The following FHIT variants were observed in gnomAD, a reference collection of about 807,000 sequenced individuals.
The protein encoded by FHIT is bis(5'-adenosyl)-triphosphatase.
Under a neutral mutation model 17.9 loss-of-function variants are expected in FHIT, and 19 were observed. The observed-to-expected ratio is 1.06, with a 90% CI of 0.74 to 1.56. FHIT has a LOEUF of 1.56. Ranked by LOEUF, FHIT falls within the 40% of genes most tolerant of loss-of-function variation. FHIT has a pLI of 0.00. For missense variants in FHIT, 248 were observed against 189.2 expected, an observed-to-expected ratio of 1.31 and a Z score of -1.82; for synonymous variants, 81 against 69.7, an observed-to-expected ratio of 1.16 and a Z score of -0.81.
intron 5 of FHIT, among the ~76,000 whole-genome samples, chr3:60,488,187 A>G (rs1364947731): frequency 2.0e-5 from 3 of 152,194 alleles, no homozygotes; most frequent in Non-Finnish European, 4.4e-5. Context: ...GGGACCTGCT[A>G]AACAATCACT....
intron 1 of FHIT, among the ~76,000 whole-genome samples, chr3:61,203,505 T>G (rs2039100516): frequency 6.6e-6 from 1 of 152,042 alleles, no homozygotes; most frequent in South Asian, 2.1e-4. Flanking sequence ...TAAGATATGC[T>G]TGAATAAGCG....
At chr3:59,792,872 TG>T (rs139940738) in intron 8 of FHIT, among the ~76,000 whole-genome samples, 22,115 of 134,748 alleles carry the variant, frequency 0.16, 2,118 homozygotes, top group African/African-American at 0.28. Flanking sequence ...CCTTATTTTT[TG>T]GGGGGGGGGG....
At chr3:60,803,775 G>T (rs886617804) in intron 4 of FHIT, among the ~76,000 whole-genome samples, 4 of 152,312 alleles carry the variant, frequency 2.6e-5, no homozygotes, top group Non-Finnish European at 1.5e-5. Flanking sequence ...CAAAGAGGGA[G>T]AGGGGAGCAA....
At chr3:60,664,896 A>T (rs1374347675) in intron 4 of FHIT, among the ~76,000 whole-genome samples, 1 of 151,612 alleles carries the variant, frequency 6.6e-6, no homozygotes, top group Non-Finnish European at 1.5e-5. Flanking sequence ...AATTGTATTA[A>T]TTTTTTAGAA....
chr3:60,606,421 A>C (rs1317186289), intron 4 of FHIT, among the ~76,000 whole-genome samples: 2 of 151,824 alleles, frequency 1.3e-5, no homozygotes, highest in African/African-American at 4.8e-5. Context: ...TTTGTGTTTT[A>C]GTAGAGATGG....
chr3:60,856,603 C>T (rs1703396094), intron 3 of FHIT: 1 of 152,142 alleles, frequency 6.6e-6, no homozygotes, highest in Admixed American at 6.6e-5. Context: ...GAAATATAAT[C>T]TTCAAAGTGA....
intron 3 of FHIT, among the ~76,000 whole-genome samples, chr3:60,983,824 T>G (rs1343630763): frequency 2.0e-5 from 3 of 152,190 alleles, no homozygotes; most frequent in Non-Finnish European, 4.4e-5. Context: ...ACTTTGTACT[T>G]TGTCTGGCTG....
intron 3 of FHIT, among the ~76,000 whole-genome samples, chr3:60,915,563 G>A (rs1194960864): frequency 1.3e-5 from 2 of 152,146 alleles, no homozygotes; most frequent in Non-Finnish European, 2.9e-5. Context: ...GGACAGGAAG[G>A]ATAGAAGCAT....
At chr3:59,783,120 G>C (rs1186727438) in intron 8 of FHIT, among the ~76,000 whole-genome samples, 1 of 152,078 alleles carries the variant, frequency 6.6e-6, no homozygotes, top group Admixed American at 6.6e-5. Flanking sequence ...AGAGGAATTT[G>C]TTTCCATCCT....
intron 4 of FHIT, among the ~76,000 whole-genome samples, chr3:60,667,344 C>G (rs2040405011): frequency 6.6e-6 from 1 of 151,986 alleles, no homozygotes; most frequent in South Asian, 2.1e-4. Context: ...GTTTTGTCCT[C>G]AAATTTAGTA....
At position 60,716,204 on chromosome 3, in the gene FHIT, C is replaced by T. The variant is rs1012094016; in HGVS notation, c.-18+105715G>A. The stretch of plus-strand genomic sequence containing the variant: ...GTTTGCAGTTTAGCTGAGATCACAC[C>T]GCTACACTCCAGCCTGGGCAACAGA... On this transcript the variant is annotated intron_variant, in intron 4 of 9. Coordinates refer to ENST00000492590, the MANE Select transcript of FHIT (RefSeq NM_002012.4). Among the ~76,000 whole-genome samples, 10 of 152,054 alleles carry T rather than the reference C, an allele frequency of 6.6e-5. No homozygotes were observed. In the South Asian group the frequency reaches 1.0e-3, roughly 16 times the overall value.
At chr3:60,615,352 T>C (rs73836668) in intron 4 of FHIT, among the ~76,000 whole-genome samples, 18 of 152,326 alleles carry the variant, frequency 1.2e-4, no homozygotes, top group Admixed American at 2.6e-4. Context: ...ATACCAGCTA[T>C]GATCATGTAG....
At chr3:59,774,958 C>T (rs778159619) in intron 8 of FHIT, among the ~76,000 whole-genome samples, 8 of 152,128 alleles carry the variant, frequency 5.3e-5, no homozygotes, top group Non-Finnish European at 1.2e-4. Flanking sequence ...GTTAAAAATG[C>T]CGGAGCTTAG....
At chr3:60,034,250 CT>C (rs1362614651) in intron 5 of FHIT, among the ~76,000 whole-genome samples, 1 of 152,218 alleles carries the variant, frequency 6.6e-6, no homozygotes. Flanking sequence ...CTGAACTCCT[CT>C]GATTCAATGA....
At chr3:60,199,465 T>G (rs1300734862) in intron 5 of FHIT, among the ~76,000 whole-genome samples, 1 of 152,144 alleles carries the variant, frequency 6.6e-6, no homozygotes, top group Non-Finnish European at 1.5e-5. Flanking sequence ...GACTGCCAGC[T>G]CACTTCATTG....
intron 2 of FHIT, among the ~76,000 whole-genome samples, chr3:61,199,036 C>A (rs1382312631): frequency 6.6e-6 from 1 of 152,100 alleles, no homozygotes; most frequent in African/African-American, 2.4e-5. Context: ...TTCTCCACAC[C>A]TACATGAAGC....
chr3:60,964,333 G>T (rs1254049239), intron 3 of FHIT, among the ~76,000 whole-genome samples: 3 of 151,872 alleles, frequency 2.0e-5, no homozygotes, highest in Non-Finnish European at 4.4e-5. Flanking sequence ...TGTCTCTGCA[G>T]GTGAGATGGG....
chr3:61,039,371 TA>T (rs1209955703), intron 3 of FHIT, among the ~76,000 whole-genome samples: 1 of 152,232 alleles, frequency 6.6e-6, no homozygotes, highest in African/African-American at 2.4e-5. Context: ...GATCTACTTA[TA>T]TACAGAAAGT....
At chr3:60,554,441 A>G (rs2036675669) in intron 4 of FHIT, among the ~76,000 whole-genome samples, 1 of 152,192 alleles carries the variant, frequency 6.6e-6, no homozygotes, top group South Asian at 2.1e-4. Flanking sequence ...TACCATCAAA[A>G]AATCCACAGA....
Sources: gnomAD v4.1 joint callset for allele counts (sites outside exome capture counted in the v4.1 genomes callset) on GRCh38, gnomAD v4.1.1 for gene constraint, MANE v1.5 for transcripts, NCBI Gene and HGNC (gene_info 2026-07-23, HGNC 2026-07-21) for gene names.